The following USP35 variants were observed in gnomAD, a reference collection of about 807,000 sequenced individuals.
USP35 encodes the protein ubiquitin specific peptidase 35.
In USP35, 69 loss-of-function variants were observed where a neutral mutation model predicts 83.8. The ratio of observed to expected loss-of-function variants is 0.82; its 90% confidence interval spans 0.68 to 1.01. The LOEUF is 1.01. Among genes scored for constraint, USP35 ranks in the 50% least tolerant of loss-of-function variants. USP35 has a pLI of 0.00. For missense variants in USP35, 1,503 were observed against 1,362.5 expected (o/e 1.10, Z -1.62); for synonymous variants, 714 against 589.5 (o/e 1.21, Z -3.06).
chr11:78,205,441 G>C (rs990378288), intron 6 of USP35, among the ~76,000 whole-genome samples: 4 of 152,230 alleles, frequency 2.6e-5, no homozygotes, highest in Non-Finnish European at 5.9e-5. Flanking sequence ...CCAGAGTTGG[G>C]GCTGGCACTG....
intron 3 of USP35, chr11:78,198,517 C>T (rs1863227720): frequency 2.9e-6 from 2 of 701,682 alleles, no homozygotes; most frequent in East Asian, 1.3e-4. Flanking sequence ...CGTCCTCCTC[C>T]CTGTGATCTA....
intron 5 of USP35, 53 bp from the exon 6 acceptor site, chr11:78,200,597 G>A (rs1238231771): frequency 1.6e-5 from 25 of 1,554,836 alleles, no homozygotes; most frequent in South Asian, 3.6e-5. Flanking sequence ...CCACAGCCCC[G>A]TGTCTCAGGT....
At position 78,190,766 on chromosome 11, in the gene USP35, G is replaced by T. The variant is rs375190455; in HGVS notation, c.-11+1609G>T. Among the ~76,000 whole-genome samples the T allele has an allele frequency of 2.0e-5, 3 of 152,202 alleles. No homozygotes were observed. The East Asian group carries it at 5.8e-4, about 29-fold the overall frequency. On this transcript the variant is annotated intron_variant, in intron 1 of 10. Coordinates refer to ENST00000529308, the MANE Select transcript of USP35 (RefSeq NM_020798.4). The stretch of plus-strand genomic sequence containing the variant: ...AGGGCATGTGAGCTGGGCATTGAAG[G>T]GTGAGTCAGAATTTTCCAGGAGAGA...
Position 78,214,060 on chromosome 11 carries a change from G to C in USP35, c.*247G>C, listed in dbSNP as rs1863940059. ...TGGTTAACTTGAAGCAGCCGAGATG[G>C]GCACACACGGGTCTTTGCCTCCCCC... On this transcript the variant is annotated 3_prime_UTR_variant, in exon 11 of 11. Transcript: ENST00000529308. 1 of 402,954 alleles carries C rather than the reference G, an allele frequency of 2.5e-6. No individual in the cohort carries two copies. The highest frequency in any genetic ancestry group is 2.1e-5 in the African/African-American group (1 of 47,802). 25.0% of individuals were successfully genotyped at this position (402,954 alleles called of 1,614,324 possible).
intron 1 of USP35, among the ~76,000 whole-genome samples, chr11:78,189,923 T>G (rs1590890816): frequency 6.6e-6 from 1 of 152,092 alleles, no homozygotes; most frequent in African/African-American, 2.4e-5. Flanking sequence ...GAAGTTCAGT[T>G]AAAAAATACC....
rs1263469245 is a variant in USP35 at position 78,206,058 on chromosome 11, C to T, written c.1391+23C>T. On this transcript the variant is annotated intron_variant, in intron 7 of 10. Transcript: ENST00000529308. Reference sequence around the variant, plus strand: ...TGAGTAGGTGCTGCTTTGGAATTCCCTGTCTGCCCTTGCTTCTCTCCTCTG... The same window carrying T: ...TGAGTAGGTGCTGCTTTGGAATTCCTTGTCTGCCCTTGCTTCTCTCCTCTG... The T allele has an allele frequency of 3.1e-6, 5 of 1,598,410 alleles. No individual in the cohort carries two copies. The East Asian group carries it at 1.1e-4, about 36-fold the overall frequency.
At chr11:78,228,675 A>G in the USP35 span, among the ~76,000 whole-genome samples, 2 of 152,168 alleles carry the variant, frequency 1.3e-5, no homozygotes, top group Non-Finnish European at 2.9e-5. Context: ...TAGGAATTCC[A>G]GGTCAGTCTC....
the USP35 span, chr11:78,220,510 CACCTCTGGGAGTAAGAACACTGTT>C: frequency 7.0e-7 from 1 of 1,419,128 alleles, no homozygotes; most frequent in African/African-American, 1.4e-5. Context: ...CCCAGAAAAA[CACCTCTGGGAGTAAGAACACTGTT>C]TCCCTGAGCC....
intron 1 of USP35, among the ~76,000 whole-genome samples, chr11:78,189,948 C>T (rs1862951335): frequency 1.3e-5 from 2 of 152,182 alleles, no homozygotes; most frequent in Non-Finnish European, 2.9e-5. Context: ...GAGATGCTGC[C>T]ATTCAGACAC....
At chr11:78,195,673 G>C (rs1590895846) in intron 1 of USP35, among the ~76,000 whole-genome samples, 1 of 152,188 alleles carries the variant, frequency 6.6e-6, no homozygotes, top group Admixed American at 6.5e-5. Context: ...GGGAAGGATG[G>C]GGAGGAGGCT....
chr11:78,223,527 A>T, the USP35 span: 2 of 1,613,254 alleles, frequency 1.2e-6, no homozygotes, highest in African/African-American at 2.7e-5. Flanking sequence ...AGTCAAAGTG[A>T]TGGGCCCCTG....
chr11:78,223,597 G>A, the USP35 span: 1 of 1,613,610 alleles, frequency 6.2e-7, no homozygotes, highest in African/African-American at 1.3e-5. Context: ...GGCCAACAGG[G>A]TGGAAGAACC....
chr11:78,202,150 G>A (rs1863377637), intron 6 of USP35, among the ~76,000 whole-genome samples: 1 of 152,236 alleles, frequency 6.6e-6, no homozygotes, highest in South Asian at 2.1e-4. Flanking sequence ...GTGCGTGGCT[G>A]AGATGGCCAA....
the USP35 span, chr11:78,223,776 G>A: frequency 1.5e-5 from 15 of 1,009,584 alleles, no homozygotes; most frequent in Non-Finnish European, 2.0e-5. Flanking sequence ...TCATGACTGG[G>A]TTAGCTATAC....
chr11:78,222,367 C>T, the USP35 span, among the ~76,000 whole-genome samples: 186 of 152,154 alleles, frequency 1.2e-3, no homozygotes, highest in African/African-American at 4.4e-3. Flanking sequence ...ATTGATGAGC[C>T]TTGAAGTCAT....
chr11:78,200,939 C>G, intron 6 of USP35, 131 bp downstream of exon 6: 1 of 1,310,798 alleles, frequency 7.6e-7, no homozygotes. Flanking sequence ...CCATCACCTC[C>G]CCAGGTCCAT....
chr11:78,209,427 ACT>A lies in USP35; in HGVS notation c.1593-18_1593-17del, dbSNP rs1863648275. On this transcript the variant is annotated intron_variant, in intron 9 of 10. Transcript: ENST00000529308. ...AGGGGACCCGCATGTACATGTAGTG[ACT>A]CTGTGCTCTCTGCCCCAGGCTGCAC... is the stretch of plus-strand genomic sequence containing the variant. 6.4e-7 allele frequency: 1 copy of A among 1,572,262 alleles called. No homozygotes were observed. Among genetic ancestry groups the A allele is most frequent in the African/African-American group, 1.4e-5 (1 of 73,948 alleles).
In USP35 at chr11:78,205,129, G is replaced by T. The variant is rs532805905; in HGVS notation, c.1198-713G>T. Reference sequence around the variant, plus strand: ...CTAGTGCTTGGTGGTATTCTTAGGTGCTGCTGTTTGATGTGACACAGATAA... The same window carrying T: ...CTAGTGCTTGGTGGTATTCTTAGGTTCTGCTGTTTGATGTGACACAGATAA... On this transcript the variant is annotated intron_variant, in intron 6 of 10. Coordinates refer to ENST00000529308, the MANE Select transcript of USP35 (RefSeq NM_020798.4). 3.9e-5 allele frequency among the ~76,000 whole-genome samples: 6 copies of T among 152,326 alleles called. 1 individual carries two copies. The highest frequency in any genetic ancestry group is 1.4e-4 in the African/African-American group (6 of 41,560).
the USP35 span, chr11:78,227,160 T>C: frequency 1.4e-6 from 1 of 708,208 alleles, no homozygotes; most frequent in African/African-American, 1.8e-5. Context: ...ATCTGTAAAA[T>C]GGTGACTAAA....
Sources: gnomAD v4.1 joint callset for allele counts (sites outside exome capture counted in the v4.1 genomes callset) on GRCh38, gnomAD v4.1.1 for gene constraint, MANE v1.5 for transcripts, NCBI Gene and HGNC (gene_info 2026-07-23, HGNC 2026-07-21) for gene names.